ROCK1: variants seen among roughly 807,000 people sequenced by gnomAD.
ROCK1 encodes the protein rho-associated protein kinase 1.
Under a neutral mutation model 196.8 loss-of-function variants are expected in ROCK1, and 36 were observed. That is an observed-to-expected ratio of 0.18 (90% CI 0.14 to 0.24). The LOEUF (loss-of-function observed/expected upper bound fraction) is 0.24. Ranked by LOEUF, ROCK1 falls within the 10% of genes least tolerant of loss-of-function variation. The pLI is 1.00. For synonymous variants in ROCK1, 443 were observed against 515.9 expected (o/e 0.86, Z 1.91); for missense variants, 920 against 1,562.0 (o/e 0.59, Z 6.93).
intron 1 of ROCK1, among the ~76,000 whole-genome samples, chr18:21,101,902 G>T (rs2036662360): frequency 3.3e-5 from 5 of 151,272 alleles, no homozygotes; most frequent in Admixed American, 3.3e-4. Flanking sequence ...GCTTATTGAA[G>T]TATGTAAGGA....
intron 2 of ROCK1, among the ~76,000 whole-genome samples, chr18:21,054,415 A>C (rs1443007387): frequency 1.3e-5 from 2 of 152,068 alleles, no homozygotes; most frequent in Non-Finnish European, 2.9e-5. Flanking sequence ...TAGTTCACCA[A>C]CTCCTGCTCT....
rs1192411863 is a variant in ROCK1, at chr18:21,110,988, G to T, written c.-78C>A. On this transcript the variant is annotated 5_prime_UTR_variant, in exon 1 of 33. Coordinates refer to ENST00000399799, the MANE Select transcript of ROCK1 (RefSeq NM_005406.3). The stretch of plus-strand genomic sequence containing the variant: ...TTTCAACCAACTTCCTCCGCGGTGG[G>T]TTCGCAGCCGCGGGGCGGAGGAGCC... 1.6e-6 allele frequency: 2 copies of T among 1,225,920 alleles called. No homozygotes were observed. Among genetic ancestry groups the T allele is most frequent in the Non-Finnish European group, 2.4e-6 (2 of 836,118 alleles). 75.9% of individuals were successfully genotyped at this position (1,225,920 alleles called of 1,614,324 possible).
At chr18:21,021,465 G>A (rs989743322) in intron 11 of ROCK1, among the ~76,000 whole-genome samples, 1 of 152,050 alleles carries the variant, frequency 6.6e-6, no homozygotes, top group Non-Finnish European at 1.5e-5. Flanking sequence ...AAAAAAGAGG[G>A]AAACAATAGG....
chr18:21,040,194 G>T (rs565980752), intron 8 of ROCK1, among the ~76,000 whole-genome samples: 12 of 152,126 alleles, frequency 7.9e-5, no homozygotes, highest in East Asian at 1.9e-4. Context: ...ACAGTTTTTT[G>T]TGTGTGTGTG....
rs1166163216 is a variant in ROCK1 at position 20,967,947 on chromosome 18, AAAT to A, written c.3004-10_3004-8del. The A allele has an allele frequency of 6.7e-7, 1 of 1,491,332 alleles. No individual in the cohort carries two copies. Among genetic ancestry groups the A allele is most frequent in the East Asian group, 2.3e-5 (1 of 42,978 alleles). The allele number at this position is 1,491,332 out of a possible 1,614,324, so 92.4% of individuals were successfully genotyped here. A position where few individuals can be genotyped will look rare whatever the true frequency, so the allele number is the denominator to read the frequency against. On this transcript the variant is annotated splice_region_variant and splice_polypyrimidine_tract_variant and intron_variant, in intron 25 of 32. Transcript: ENST00000399799. ...CTGCCAATTTGTTAACAGCCTATTA[AAAT>A]ATTATTAATAAAGATCAATAGTGTA... is the stretch of plus-strand genomic sequence containing the variant.
chr18:20,959,111 A>AT, intron 29 of ROCK1, among the ~76,000 whole-genome samples: 5 of 52,734 alleles, frequency 9.5e-5, no homozygotes, highest in African/African-American at 6.2e-4. Context: ...TATTATATAT[A>AT]TATTATATAA....
chr18:20,962,939 T>G (rs116214451), intron 27 of ROCK1, among the ~76,000 whole-genome samples: 14 of 152,196 alleles, frequency 9.2e-5, no homozygotes, highest in African/African-American at 3.4e-4. Context: ...GATAATATAC[T>G]TACCAGTTTT....
chr18:20,991,277 T>C lies in ROCK1; in HGVS notation c.2042A>G (p.Gln681Arg). 2 of 1,606,754 alleles carry C rather than the reference T, an allele frequency of 1.2e-6. No individual in the cohort carries two copies. Among genetic ancestry groups the C allele is most frequent in the Non-Finnish European group, 1.7e-6 (2 of 1,175,100 alleles). The change falls in exon 18 of 33, where the codon CAA becomes CGA. Residue 681 changes from glutamine (Q) to arginine (R), a missense_variant. Gln to Arg is a conservative substitution (Grantham distance 43). This residue lies in a region of ROCK1 where 520 missense variants were observed against 657.1 expected (regional missense o/e 0.79). Transcript: ENST00000399799. ...IDLNYKLKSL[Q>R]QRLEQEVNEH... is the part of the protein sequence containing the mutation. ...ATTTACCTCTTGTTCTAACCGTTGTTGTAATGATTTAAGTTTGTAGTTTAA... is the reference window on the plus strand; with the variant it reads ...ATTTACCTCTTGTTCTAACCGTTGTCGTAATGATTTAAGTTTGTAGTTTAA...
chr18:20,961,818 C>CTTTT (rs11334095), intron 27 of ROCK1, among the ~76,000 whole-genome samples: 6 of 117,210 alleles, frequency 5.1e-5, no homozygotes, highest in Non-Finnish European at 5.2e-5. Context: ...TTTCTTTTTC[C>CTTTT]TTTTTTTTTT....
intron 1 of ROCK1, among the ~76,000 whole-genome samples, chr18:21,083,702 T>C (rs2036501266): frequency 6.6e-6 from 1 of 152,222 alleles, no homozygotes. Context: ...TATTTTCTTT[T>C]TGCTGGCTAA....
intron 29 of ROCK1, among the ~76,000 whole-genome samples, chr18:20,956,337 ATTG>A (rs574189992): frequency 1.2e-4 from 18 of 152,338 alleles, no homozygotes; most frequent in South Asian, 8.3e-4. Context: ...TGCTATGGAA[ATTG>A]TTATTATATT....
At chr18:21,006,663 AT>A (rs869182781) in intron 15 of ROCK1, 35 bp downstream of exon 15, 1 of 1,582,156 alleles carries the variant, frequency 6.3e-7, no homozygotes, top group Non-Finnish European at 8.5e-7. Context: ...ATTATCTACA[AT>A]TTTTTTAAAA....
chr18:21,101,873 C>CTT (rs535936149), intron 1 of ROCK1, among the ~76,000 whole-genome samples: 3 of 144,252 alleles, frequency 2.1e-5, no homozygotes, highest in African/African-American at 7.5e-5. Flanking sequence ...AGAAAATGTC[C>CTT]TTTTTTTTTT....
At chr18:20,968,205 T>C (rs1033681463) in intron 25 of ROCK1, among the ~76,000 whole-genome samples, 2 of 152,220 alleles carry the variant, frequency 1.3e-5, no homozygotes, top group Admixed American at 6.5e-5. Context: ...TACTCTGATG[T>C]TGGGTACTAG....
intron 9 of ROCK1, among the ~76,000 whole-genome samples, chr18:21,038,343 C>G (rs1381615500): frequency 1.3e-4 from 20 of 152,124 alleles, no homozygotes; most frequent in Admixed American, 1.2e-3. Flanking sequence ...GCTTCTCAGA[C>G]AGCTGGTCAT....
At chr18:21,011,695 A>G (rs529607448) in intron 13 of ROCK1, among the ~76,000 whole-genome samples, 1 of 152,274 alleles carries the variant, frequency 6.6e-6, no homozygotes, top group Non-Finnish European at 1.5e-5. Flanking sequence ...GGCTCAAGCA[A>G]TCCGCTGGCC....
intron 8 of ROCK1, among the ~76,000 whole-genome samples, chr18:21,040,219 C>A (rs368875367): frequency 4.6e-5 from 7 of 152,144 alleles, no homozygotes; most frequent in African/African-American, 1.7e-4. Context: ...TTTTTTCTTA[C>A]AATGGTAAAG....
intron 22 of ROCK1, among the ~76,000 whole-genome samples, chr18:20,973,934 G>A (rs926414633): frequency 6.6e-6 from 1 of 151,186 alleles, no homozygotes; most frequent in African/African-American, 2.4e-5. Flanking sequence ...GCGCCCGCCC[G>A]TAATTTTTTG....
At chr18:21,094,909 G>T (rs550159476) in intron 1 of ROCK1, among the ~76,000 whole-genome samples, 2 of 151,912 alleles carry the variant, frequency 1.3e-5, no homozygotes, top group African/African-American at 2.4e-5. Context: ...AATTAGCCAG[G>T]TGTGGTGGTG....
Sources: allele counts gnomAD v4.1 joint callset (sites outside exome capture counted in the v4.1 genomes callset), GRCh38; gene constraint gnomAD v4.1.1; regional missense constraint gnomAD v4.1.1; transcripts MANE v1.5; gene names NCBI Gene and HGNC (gene_info 2026-07-23, HGNC 2026-07-21).